HDGFL3: variants seen among roughly 807,000 people sequenced by gnomAD.
The protein encoded by HDGFL3 is HDGF like 3.
A neutral mutation model predicts 27.6 loss-of-function variants in HDGFL3; 6 were observed. That is an observed-to-expected ratio of 0.22 (90% CI 0.12 to 0.43). The LOEUF (loss-of-function observed/expected upper bound fraction) is 0.43, where lower values mean the gene tolerates loss of function less well. HDGFL3 is among the 20% of genes least tolerant of loss of function. The pLI, the probability that HDGFL3 is intolerant of heterozygous loss-of-function variation, is 1.00. For synonymous variants in HDGFL3, 88 were observed against 88.9 expected (o/e 0.99, Z 0.05); for missense variants, 207 against 250.1 (o/e 0.83, Z 1.16).
intron 2 of HDGFL3, among the ~76,000 whole-genome samples, chr15:83,158,544 T>C (rs116957980): frequency 0.033 from 5,049 of 152,310 alleles, 115 homozygotes; most frequent in Middle Eastern, 0.068. Flanking sequence ...TGTGGTCCAA[T>C]GGAAAATGAA....
intron 2 of HDGFL3, among the ~76,000 whole-genome samples, chr15:83,160,796 T>C (rs2037092373): frequency 6.6e-6 from 1 of 152,172 alleles, no homozygotes; most frequent in African/African-American, 2.4e-5. Flanking sequence ...GTCTCAGGGT[T>C]GATCCCTCGC....
At chr15:83,164,151 G>T in intron 1 of HDGFL3, 76 bp from the exon 2 acceptor site, 2 of 850,126 alleles carry the variant, frequency 2.4e-6, no homozygotes, top group Non-Finnish European at 3.6e-6. Context: ...ATAATTTACT[G>T]CTAATTTCAA....
At chr15:83,142,964 T>A (rs2036808805) in intron 5 of HDGFL3, among the ~76,000 whole-genome samples, 1 of 152,164 alleles carries the variant, frequency 6.6e-6, no homozygotes, top group Admixed American at 6.5e-5. Context: ...TTATTTCTAA[T>A]TAAATAAATA....
At chr15:83,167,244 C>T (rs892293816) in intron 1 of HDGFL3, among the ~76,000 whole-genome samples, 3 of 152,094 alleles carry the variant, frequency 2.0e-5, no homozygotes, top group Admixed American at 1.3e-4. Flanking sequence ...ACAGACTTTA[C>T]GTCAACAACA....
At position 83,130,031 on chromosome 15, in the gene HDGFL3, C is replaced by A. The variant is rs577786729; in HGVS notation, c.*9239G>T. The A allele has an allele frequency of 1.4e-4, 21 of 152,424 alleles. No homozygotes were observed. Among genetic ancestry groups the A allele is most frequent in the African/African-American group, 5.1e-4 (21 of 41,568 alleles). The allele number at this position is 152,424 out of a possible 1,614,324, so 9.4% of individuals were successfully genotyped here. ...CTGTGTCAATTGTGCTTTGCCTGCACAATCAGGCCTCCTCTGCCTGCCATG... is the reference window on the plus strand; with the variant it reads ...CTGTGTCAATTGTGCTTTGCCTGCAAAATCAGGCCTCCTCTGCCTGCCATG... On this transcript the variant is annotated 3_prime_UTR_variant, in exon 6 of 6. Transcript: ENST00000299633.
chr15:83,176,237 G>C (rs1031669255), intron 1 of HDGFL3, among the ~76,000 whole-genome samples: 1 of 152,102 alleles, frequency 6.6e-6, no homozygotes, highest in African/African-American at 2.4e-5. Flanking sequence ...TTTTGAGTTT[G>C]AAACATTGTC....
chr15:83,182,186 T>A (rs550605613), intron 1 of HDGFL3, among the ~76,000 whole-genome samples: 20 of 152,318 alleles, frequency 1.3e-4, no homozygotes, highest in Admixed American at 9.8e-4. Context: ...TGAAGTAGTA[T>A]CTTCTGTGGA....
In HDGFL3 at chr15:83,138,499, T is replaced by A. The variant is rs2036701085; in HGVS notation, c.*771A>T. On this transcript the variant is annotated 3_prime_UTR_variant, in exon 6 of 6. Coordinates refer to ENST00000299633, the MANE Select transcript of HDGFL3 (RefSeq NM_016073.4). Reference sequence around the variant, plus strand: ...TCTACATTTAAAAGTCAATGCTTTGTCTGGTTTCCCATAGGGCTGTTGCTG... The same window carrying A: ...TCTACATTTAAAAGTCAATGCTTTGACTGGTTTCCCATAGGGCTGTTGCTG... 6.6e-6 allele frequency: 1 copy of A among 152,620 alleles called. No individual in the cohort carries two copies. The highest frequency in any genetic ancestry group is 1.5e-5 in the Non-Finnish European group (1 of 67,996). The allele number at this position is 152,620 out of a possible 1,614,324, so 9.5% of individuals were successfully genotyped here.
intron 1 of HDGFL3, among the ~76,000 whole-genome samples, chr15:83,184,422 T>A (rs1283889134): frequency 6.6e-6 from 1 of 152,256 alleles, no homozygotes; most frequent in Non-Finnish European, 1.5e-5. Context: ...TTCATGTTTA[T>A]CTTTATTCTA....
At chr15:83,192,318 A>C (rs1002282622) in intron 1 of HDGFL3, 11 of 455,390 alleles carry the variant, frequency 2.4e-5, no homozygotes, top group Non-Finnish European at 3.5e-5. Flanking sequence ...TCTAAAAATA[A>C]AAAACAAAAC....
rs772081760 is a variant in HDGFL3, at chr15:83,140,480, A to ACTT, written c.607-1206_607-1205insAAG. On this transcript the variant is annotated intron_variant, in intron 5 of 5. Coordinates refer to ENST00000299633, the MANE Select transcript of HDGFL3 (RefSeq NM_016073.4). ...GAAAAATTGTTAGTCAACCAAAGAAAGTTTTTTTTTTTTTTTTTTGAGACA... is the reference window on the plus strand; with the variant it reads ...GAAAAATTGTTAGTCAACCAAAGAAACTTGTTTTTTTTTTTTTTTTTTGAGACA... Among the ~76,000 whole-genome samples the ACTT allele has an allele frequency of 1.9e-4, 21 of 111,008 alleles. 1 individual carries two copies. The highest frequency in any genetic ancestry group is 3.2e-4 in the East Asian group (1 of 3,156). The allele number at this position is 111,008 out of a possible 152,430, so 72.8% of individuals were successfully genotyped here. A position where few individuals can be genotyped will look rare whatever the true frequency, so the allele number is the denominator to read the frequency against.
chr15:83,206,344 T>C (rs906228776), intron 1 of HDGFL3, among the ~76,000 whole-genome samples: 2 of 152,152 alleles, frequency 1.3e-5, no homozygotes, highest in African/African-American at 4.8e-5. Context: ...CAATATAATC[T>C]CTAGAATGCC....
rs560045172 is a variant in HDGFL3, at chr15:83,195,196, T to C, written c.84+12135A>G. The stretch of plus-strand genomic sequence containing the variant: ...GCTCATTCTTGTTCATTTAGTCTAA[T>C]TGCAAAGATAGAAAAATCCTGTCAT... On this transcript the variant is annotated intron_variant, in intron 1 of 5. Coordinates refer to ENST00000299633, the MANE Select transcript of HDGFL3 (RefSeq NM_016073.4). 4.4e-4 allele frequency among the ~76,000 whole-genome samples: 67 copies of C among 152,316 alleles called. No individual in the cohort carries two copies. The East Asian group carries it at 0.011, about 25-fold the overall frequency.
chr15:83,196,273 T>G (rs994928905), intron 1 of HDGFL3, among the ~76,000 whole-genome samples: 1 of 151,970 alleles, frequency 6.6e-6, no homozygotes, highest in Non-Finnish European at 1.5e-5. Context: ...AATATACTTA[T>G]TGACTCCTAA....
At chr15:83,165,656 A>G (rs2037160424) in intron 1 of HDGFL3, among the ~76,000 whole-genome samples, 1 of 152,050 alleles carries the variant, frequency 6.6e-6, no homozygotes. Context: ...GTAGCCAGAC[A>G]TGGTGATGGG....
At chr15:83,113,048 C>T (rs1465244004) in exon 4 of HDGFL3, 2 of 683,524 alleles carry the variant, frequency 2.9e-6, no homozygotes, top group Non-Finnish European at 2.6e-6. Flanking sequence ...ACAATCTGGC[C>T]CTCGCCTCTG....
rs569975574 is a variant in HDGFL3 at position 83,205,820 on chromosome 15, A to G, written c.84+1511T>C. Among the ~76,000 whole-genome samples, 5 of 152,360 alleles carry G rather than the reference A, an allele frequency of 3.3e-5. No homozygotes were observed. The East Asian group carries it at 9.6e-4, about 29-fold the overall frequency. ...TAAAGTCACAAATCTTGCCTCTCTA[A>G]GCAATACTGTATTACAGCATAAAAA... is the stretch of plus-strand genomic sequence containing the variant. On this transcript the variant is annotated intron_variant, in intron 1 of 5. Transcript: ENST00000299633.
chr15:83,190,174 C>A (rs2037494232), intron 1 of HDGFL3, among the ~76,000 whole-genome samples: 1 of 147,210 alleles, frequency 6.8e-6, no homozygotes, highest in East Asian at 2.0e-4. Flanking sequence ...TGCCACTATA[C>A]TCCAGCCTGG....
chr15:83,149,647 T>G (rs185553583), intron 5 of HDGFL3, among the ~76,000 whole-genome samples: 12 of 152,158 alleles, frequency 7.9e-5, no homozygotes, highest in Non-Finnish European at 1.5e-5. Context: ...GCAATTTCAA[T>G]GAAGTGGTCA....
Sources: allele counts gnomAD v4.1 joint callset (sites outside exome capture counted in the v4.1 genomes callset), GRCh38; gene constraint gnomAD v4.1.1; transcripts MANE v1.5; gene names NCBI Gene and HGNC (gene_info 2026-07-23, HGNC 2026-07-21).